Variants in GPATCH1 observed in about 807,000 individuals in gnomAD.
GPATCH1 encodes the protein G patch domain-containing protein 1.
In GPATCH1, 73 loss-of-function variants were observed where a neutral mutation model predicts 114.9. The ratio of observed to expected loss-of-function variants is 0.64; its 90% CI spans 0.53 to 0.77. The LOEUF (loss-of-function observed/expected upper bound fraction) is 0.77. Ranked by LOEUF, GPATCH1 falls within the 30% of genes least tolerant of loss-of-function variation. The probability of loss-of-function intolerance (pLI) is 0.00; values close to 1 mark genes in which losing one functional copy is unlikely to be tolerated. For missense variants in GPATCH1, 1,058 were observed against 1,144.3 expected (o/e 0.92, Z 1.09); for synonymous variants, 391 against 428.4 (o/e 0.91, Z 1.08).
intron 19 of GPATCH1, among the ~76,000 whole-genome samples, chr19:33,127,464 C>T (rs553965033): frequency 2.0e-5 from 3 of 150,692 alleles, no homozygotes; most frequent in Non-Finnish European, 3.0e-5. Flanking sequence ...TGCAGTGAGC[C>T]GAGATTGTGC....
In GPATCH1 at chr19:33,102,962, C is replaced by T. The variant is rs543283903; in HGVS notation, c.1080+1388C>T. 4.1e-4 allele frequency among the ~76,000 whole-genome samples: 62 copies of T among 152,230 alleles called. 2 individuals carry two copies. In the South Asian group the frequency reaches 0.013, roughly 32 times the overall value. On this transcript the variant is annotated intron_variant, in intron 9 of 19. Transcript: ENST00000170564. ...TGGGTGAAGTTGGAGGAGAGCTCTGCGTGCCTTTGCAGATTGCTTTGTTTT... is the reference window on the plus strand; with the variant it reads ...TGGGTGAAGTTGGAGGAGAGCTCTGTGTGCCTTTGCAGATTGCTTTGTTTT...
rs1188631869 is a variant in GPATCH1 at position 33,096,202 on chromosome 19, A to G, written c.613-5A>G. 2.5e-6 allele frequency: 4 copies of G among 1,612,548 alleles called. No homozygotes were observed. The highest frequency in any genetic ancestry group is 3.4e-6 in the Non-Finnish European group (4 of 1,179,448). On this transcript the variant is annotated splice_region_variant and splice_polypyrimidine_tract_variant and intron_variant, in intron 6 of 19. Transcript: ENST00000170564. ...TCACCTTAATTCCACTTTAAACGGAAATAGGGTGAAGATGATGACTACTTG... is the reference window on the plus strand; with the variant it reads ...TCACCTTAATTCCACTTTAAACGGAGATAGGGTGAAGATGATGACTACTTG...
intron 10 of GPATCH1, 104 bp downstream of exon 10, chr19:33,107,003 T>A: frequency 1.2e-6 from 1 of 821,012 alleles, no homozygotes; most frequent in East Asian, 2.6e-5. Context: ...CATGAATTTG[T>A]ATTCCCAAAC....
At chr19:33,123,160 G>A (rs1973004814) in intron 17 of GPATCH1, among the ~76,000 whole-genome samples, 1 of 151,954 alleles carries the variant, frequency 6.6e-6, no homozygotes, top group South Asian at 2.1e-4. Context: ...AGCACTTTGT[G>A]GGGGCCAAGG....
At chr19:33,091,282 C>T (rs913174031) in intron 3 of GPATCH1, among the ~76,000 whole-genome samples, 11 of 151,596 alleles carry the variant, frequency 7.3e-5, no homozygotes, top group East Asian at 1.9e-4. Context: ...GGTGTGGTGG[C>T]GGGTGCCTGT....
At chr19:33,120,504 G>A (rs1316826771) in intron 17 of GPATCH1, among the ~76,000 whole-genome samples, 1 of 145,160 alleles carries the variant, frequency 6.9e-6, no homozygotes, top group East Asian at 2.0e-4. Context: ...GATCGAGATC[G>A]CGCCACTGCA....
At chr19:33,118,137 A>G in intron 16 of GPATCH1, 96 bp downstream of exon 16, 3 of 720,652 alleles carry the variant, frequency 4.2e-6, no homozygotes, top group Non-Finnish European at 7.1e-6. Context: ...AACCCGAATG[A>G]TTAGCAATCA....
intron 7 of GPATCH1, among the ~76,000 whole-genome samples, chr19:33,097,433 C>T (rs965479139): frequency 2.0e-5 from 3 of 152,160 alleles, no homozygotes; most frequent in Non-Finnish European, 4.4e-5. Flanking sequence ...TTCCTTTCTC[C>T]TCTTGGAAGC....
At chr19:33,105,639 T>A (rs1972775372) in intron 9 of GPATCH1, among the ~76,000 whole-genome samples, 1 of 151,660 alleles carries the variant, frequency 6.6e-6, no homozygotes, top group African/African-American at 2.4e-5. Flanking sequence ...TTCTCCTGCC[T>A]CAGCCTTCCA....
At position 33,118,967 on chromosome 19, in the gene GPATCH1, A is replaced by C. The variant is rs1417756719; in HGVS notation, c.2414-43A>C. On this transcript the variant is annotated intron_variant, in intron 16 of 19. Coordinates refer to ENST00000170564, the MANE Select transcript of GPATCH1 (RefSeq NM_018025.3). ...ATGAATGAAAGACTCAGAGACATTA[A>C]CATGGGGCAGACGAATGACATGAAC... 6 of 1,197,104 alleles carry C rather than the reference A, an allele frequency of 5.0e-6. No individual in the cohort carries two copies. In the South Asian group the frequency reaches 5.2e-5, roughly 10 times the overall value. The allele number at this position is 1,197,104 out of a possible 1,614,324, so 74.2% of individuals were successfully genotyped here.
chr19:33,113,613 C>A, intron 13 of GPATCH1, 154 bp from the exon 14 acceptor site: 1 of 589,886 alleles, frequency 1.7e-6, no homozygotes, highest in South Asian at 2.3e-5. Context: ...TAAAATCAGT[C>A]ACCCAGATTC....
intron 13 of GPATCH1, 179 bp downstream of exon 13, chr19:33,112,792 T>C: frequency 2.0e-6 from 1 of 490,486 alleles, no homozygotes; most frequent in Non-Finnish European, 3.5e-6. Context: ...TATAATTTGT[T>C]ACTAAAACAA....
chr19:33,109,944 C>T lies in GPATCH1; in HGVS notation c.1513C>T (p.Pro505Ser). ...CACCTTAAAAGCCAGCAACTTCAAGCCTTTCGCCAAAGATCCGGAAAAGCA... is the reference window on the plus strand; with the variant it reads ...CACCTTAAAAGCCAGCAACTTCAAGTCTTTCGCCAAAGATCCGGAAAAGCA... Reference protein sequence around the residue: ...TATLKASNFKPFAKDPEKQKR... With the variant: ...TATLKASNFKSFAKDPEKQKR... Residue 505 changes from proline to serine, a missense_variant, in exon 11 of 20, where the codon CCT becomes TCT. Physicochemically the swap from Pro to Ser is moderately conservative, Grantham distance 74 (BLOSUM62 -1). Coordinates refer to ENST00000170564, the MANE Select transcript of GPATCH1 (RefSeq NM_018025.3). The T allele has an allele frequency of 6.2e-7, 1 of 1,614,104 alleles. No individual in the cohort carries two copies. Among genetic ancestry groups the T allele is most frequent in the Non-Finnish European group, 8.5e-7 (1 of 1,180,006 alleles).
chr19:33,106,887 A>G lies in GPATCH1; in HGVS notation c.1273A>G (p.Thr425Ala). 1 of 1,611,906 alleles carries G rather than the reference A, an allele frequency of 6.2e-7. No homozygotes were observed. The highest frequency in any genetic ancestry group is 8.5e-7 in the Non-Finnish European group (1 of 1,178,036). Reference sequence around the variant, plus strand: ...CAAACGGGCTGAGTTGCTTGGAGAGACGCCTATTCAAGGTATGTGCCATGG... The same window carrying G: ...CAAACGGGCTGAGTTGCTTGGAGAGGCGCCTATTCAAGGTATGTGCCATGG... ...ASKRAELLGE[T>A]PIQGSATSVL... Residue 425 changes from threonine to alanine, a missense_variant, in exon 10 of 20, where the codon ACG (threonine) becomes GCG (alanine). Coordinates refer to ENST00000170564, the MANE Select transcript of GPATCH1 (RefSeq NM_018025.3).
At chr19:33,123,928 A>G (rs1973012721) in intron 17 of GPATCH1, among the ~76,000 whole-genome samples, 2 of 151,092 alleles carry the variant, frequency 1.3e-5, no homozygotes, top group African/African-American at 4.9e-5. Flanking sequence ...ATCTCGGCTC[A>G]CTGCAGCCTC....
intron 18 of GPATCH1, among the ~76,000 whole-genome samples, chr19:33,126,215 C>T (rs117302858): frequency 0.013 from 1,969 of 152,296 alleles, 23 homozygotes; most frequent in Middle Eastern, 0.037. Flanking sequence ...TGCCCGTCAT[C>T]CTGACATGAA....
At chr19:33,084,803 GGC>G (rs1972518505) in intron 1 of GPATCH1, among the ~76,000 whole-genome samples, 4 of 152,010 alleles carry the variant, frequency 2.6e-5, no homozygotes, top group African/African-American at 9.7e-5. Flanking sequence ...TGAGCTTACA[GGC>G]GCATGCCACC....
At chr19:33,095,324 G>A (rs890567857) in intron 5 of GPATCH1, among the ~76,000 whole-genome samples, 2 of 144,460 alleles carry the variant, frequency 1.4e-5, no homozygotes, top group East Asian at 2.1e-4. Context: ...AGTACAATGC[G>A]CGATCTCGGC....
Position 33,114,360 on chromosome 19 carries a change from C to T in GPATCH1, c.2137C>T (p.Gln713Ter). ...ARSKAEPPKQ[Q>*]SSPLVNKEEE... Reference sequence around the variant, plus strand: ...ATCAAAAGCCGAGCCACCTAAACAACAGTCCAGCCCCTTAGTAAACAAAGA... The same window carrying T: ...ATCAAAAGCCGAGCCACCTAAACAATAGTCCAGCCCCTTAGTAAACAAAGA... Residue 713 changes from glutamine to a stop codon, truncating the protein, a stop_gained, in exon 15 of 20, where the codon CAG (glutamine) becomes TAG (stop). Transcript: ENST00000170564. LOFTEE classifies it high-confidence loss of function. 1 of 1,611,924 alleles carries T rather than the reference C, an allele frequency of 6.2e-7. No homozygotes were observed. Among genetic ancestry groups the T allele is most frequent in the Non-Finnish European group, 8.5e-7 (1 of 1,179,292 alleles).
Sources: allele counts gnomAD v4.1 joint callset (sites outside exome capture counted in the v4.1 genomes callset), GRCh38; gene constraint gnomAD v4.1.1; transcripts MANE v1.5; gene names NCBI Gene and HGNC (gene_info 2026-07-23, HGNC 2026-07-21).